LRTM1: variants seen among roughly 807,000 people sequenced by gnomAD.
LRTM1 encodes the protein leucine rich repeat transmembrane protein 1.
Under a neutral mutation model 32.4 loss-of-function variants are expected in LRTM1, and 38 were observed. That is an observed-to-expected ratio of 1.17 (90% CI 0.91 to 1.54). The LOEUF is 1.54. LRTM1 is among the 40% of genes most tolerant of loss of function. LRTM1 has a pLI of 0.00. For missense variants in LRTM1, 466 were observed against 415.4 expected (o/e 1.12, Z -1.06); for synonymous variants, 186 against 169.9 (o/e 1.09, Z -0.74).
chr3:54,918,993 A>T, intron 2 of LRTM1, 101 bp from the exon 3 acceptor site: 3 of 906,758 alleles, frequency 3.3e-6, no homozygotes, highest in Non-Finnish European at 1.5e-6. Context: ...TTTATGAAGT[A>T]CCTTTTTTTT....
chr3:54,952,444 G>A (rs7636684), intron 1 of LRTM1, among the ~76,000 whole-genome samples: 118,521 of 152,130 alleles, frequency 0.78, 46,958 homozygotes, highest in African/African-American at 0.92. Flanking sequence ...GGCTCTCAGA[G>A]ACAGATCAGT....
upstream of LRTM1, among the ~76,000 whole-genome samples, chr3:54,929,444 A>G (rs1701126321): frequency 6.6e-6 from 1 of 152,208 alleles, no homozygotes; most frequent in Admixed American, 6.5e-5. Context: ...TGCAGGTACA[A>G]AGGGAAGAGG....
At chr3:54,938,402 C>G (rs1350790382) in intron 1 of LRTM1, among the ~76,000 whole-genome samples, 1 of 152,216 alleles carries the variant, frequency 6.6e-6, no homozygotes, top group Non-Finnish European at 1.5e-5. Context: ...AGAATCCTTT[C>G]TAGTCCAGTG....
chr3:54,928,641 C>G (rs1701097687), upstream of LRTM1, among the ~76,000 whole-genome samples: 1 of 152,278 alleles, frequency 6.6e-6, no homozygotes, highest in Non-Finnish European at 1.5e-5. Context: ...TCACAACCTT[C>G]CTTCTGGTGC....
intron 2 of LRTM1, among the ~76,000 whole-genome samples, chr3:54,924,062 C>A (rs1245482421): frequency 2.6e-5 from 4 of 152,296 alleles, no homozygotes; most frequent in African/African-American, 9.6e-5. Flanking sequence ...AGTCTGAGAT[C>A]TCTTGCTTTG....
chr3:54,961,220 G>C (rs540105612), intron 1 of LRTM1, among the ~76,000 whole-genome samples: 1 of 152,278 alleles, frequency 6.6e-6, no homozygotes, highest in South Asian at 2.1e-4. Flanking sequence ...TAAAAATTCA[G>C]AGACTGTCAA....
intron 1 of LRTM1, among the ~76,000 whole-genome samples, chr3:54,943,203 T>TAA (rs34708598): frequency 0.35 from 49,202 of 141,884 alleles, 9,056 homozygotes; most frequent in East Asian, 0.61. Context: ...CTATCTCTGG[T>TAA]AAAAAAAAAA....
rs113965440 is a variant in LRTM1, at chr3:54,923,380, C to T, written c.604+1239G>A. The stretch of plus-strand genomic sequence containing the variant: ...CCTTTGCGTTCACTATTCCTTCCCC[C>T]AGTTATCTCATGGCTCATTCCTCCT... On this transcript the variant is annotated intron_variant, in intron 2 of 2. Transcript: ENST00000273286. Among the ~76,000 whole-genome samples, 514 of 152,232 alleles carry T rather than the reference C, an allele frequency of 3.4e-3. 1 individual carries two copies. The highest frequency in any genetic ancestry group is 0.012 in the African/African-American group (499 of 41,546).
intron 1 of LRTM1, among the ~76,000 whole-genome samples, chr3:54,953,420 T>C (rs1371817488): frequency 6.6e-6 from 1 of 152,128 alleles, no homozygotes; most frequent in Non-Finnish European, 1.5e-5. Context: ...GAGGTGAGAC[T>C]CATGAAATTC....
chr3:54,939,643 A>G (rs1307930014), intron 1 of LRTM1, among the ~76,000 whole-genome samples: 1 of 152,230 alleles, frequency 6.6e-6, no homozygotes, highest in Non-Finnish European at 1.5e-5. Flanking sequence ...TCCATCCCCC[A>G]GAACGGAGCT....
intron 1 of LRTM1, 116 bp downstream of exon 1, chr3:54,927,789 G>A: frequency 9.1e-7 from 1 of 1,093,288 alleles, no homozygotes; most frequent in Non-Finnish European, 1.4e-6. Context: ...TTTCATATCT[G>A]TCCAGTCTTT....
intron 1 of LRTM1, among the ~76,000 whole-genome samples, chr3:54,939,170 C>G (rs569646989): frequency 6.6e-6 from 1 of 152,340 alleles, no homozygotes; most frequent in East Asian, 1.9e-4. Context: ...ATCTGAAACT[C>G]TTACAACCTT....
At chr3:54,939,064 T>C (rs762169804) in intron 1 of LRTM1, among the ~76,000 whole-genome samples, 5 of 152,188 alleles carry the variant, frequency 3.3e-5, no homozygotes, top group Non-Finnish European at 4.4e-5. Flanking sequence ...GAGGCACTGT[T>C]ATTTAGCAGT....
intron 1 of LRTM1, among the ~76,000 whole-genome samples, chr3:54,963,512 T>G (rs1257586185): frequency 6.6e-6 from 1 of 152,238 alleles, no homozygotes; most frequent in Admixed American, 6.5e-5. Context: ...GAATATTATT[T>G]AATTTTAGTT....
upstream of LRTM1, among the ~76,000 whole-genome samples, chr3:54,933,051 CCCTTCCTTCCTTCCTTCCTTCCTTCCTT>C (rs60554563): frequency 0.017 from 2,422 of 139,524 alleles, 68 homozygotes; most frequent in African/African-American, 0.053. Context: ...ATCCATCCCT[CCCTTCCTTCCTTCCTTCCTTCCTTCCTT>C]CCTTCCTTCC....
intron 2 of LRTM1, among the ~76,000 whole-genome samples, chr3:54,922,987 CA>C (rs1319714235): frequency 6.6e-6 from 1 of 152,168 alleles, no homozygotes; most frequent in Non-Finnish European, 1.5e-5. Flanking sequence ...AAGTATCTCC[CA>C]GCATTGATCA....
rs200158467 is a variant in LRTM1 at position 54,924,763 on chromosome 3, G to T, written c.460C>A (p.Gln154Lys). 6.2e-7 allele frequency: 1 copy of T among 1,614,072 alleles called. No homozygotes were observed. Among genetic ancestry groups the T allele is most frequent in the East Asian group, 2.2e-5 (1 of 44,856 alleles). The change falls in exon 2 of 3, where the codon CAA (glutamine) becomes AAA (lysine). Residue 154 changes from glutamine (Q) to lysine (K), a missense_variant. Coordinates refer to ENST00000273286, the MANE Select transcript of LRTM1 (RefSeq NM_020678.4). Reference protein sequence around the residue: ...TWENLTILAVQQNQLQQLDRA... With the variant: ...TWENLTILAVKQNQLQQLDRA... The stretch of plus-strand genomic sequence containing the variant: ...TCAAGCTGCTGAAGCTGGTTTTGTT[G>T]AACCGCAAGTATAGTTAGGTTCTCC...
Sources: allele counts gnomAD v4.1 joint callset (sites outside exome capture counted in the v4.1 genomes callset), GRCh38; gene constraint gnomAD v4.1.1; transcripts MANE v1.5; gene names NCBI Gene and HGNC (gene_info 2026-07-23, HGNC 2026-07-21).